The following RNF144B variants were observed in gnomAD, a reference collection of about 807,000 sequenced individuals.
RNF144B encodes the protein E3 ubiquitin-protein ligase RNF144B.
RNF144B carries 25 observed loss-of-function variants against 40.2 expected under a neutral mutation model. The ratio of observed to expected loss-of-function variants is 0.62; its 90% CI spans 0.45 to 0.87. The LOEUF is 0.87. Ranked by LOEUF, RNF144B falls within the 40% of genes least tolerant of loss-of-function variation. The pLI is 0.00. For missense variants in RNF144B, 365 were observed against 373.7 expected (o/e 0.98, Z 0.19); for synonymous variants, 145 against 136.3 (o/e 1.06, Z -0.44).
At chr6:18,413,474 G>A (rs540988639) in intron 2 of RNF144B, among the ~76,000 whole-genome samples, 1 of 152,208 alleles carries the variant, frequency 6.6e-6, no homozygotes, top group African/African-American at 2.4e-5. Flanking sequence ...GCATGAACAT[G>A]AGTGTTCTGT....
chr6:18,439,769 A>T (rs765563419), intron 4 of RNF144B, 25 bp downstream of exon 4: 6 of 1,504,886 alleles, frequency 4.0e-6, no homozygotes, highest in Non-Finnish European at 3.7e-6. Context: ...TTTTTTCCTG[A>T]TGATGAATGT....
At chr6:18,445,031 T>C (rs1759049195) in intron 4 of RNF144B, among the ~76,000 whole-genome samples, 2 of 152,158 alleles carry the variant, frequency 1.3e-5, no homozygotes, top group South Asian at 4.1e-4. Context: ...AGTGTTTTTT[T>C]CCCTCTTTGT....
At chr6:18,435,642 C>T (rs1206791739) in intron 3 of RNF144B, among the ~76,000 whole-genome samples, 1 of 152,062 alleles carries the variant, frequency 6.6e-6, no homozygotes, top group Admixed American at 6.6e-5. Flanking sequence ...GATAGAGAAG[C>T]TGGCAGATAC....
chr6:18,439,329 A>G (rs1758895289), intron 3 of RNF144B, among the ~76,000 whole-genome samples: 1 of 152,212 alleles, frequency 6.6e-6, no homozygotes, highest in Non-Finnish European at 1.5e-5. Context: ...AAATTCTTAA[A>G]TGAAGATATA....
intron 4 of RNF144B, among the ~76,000 whole-genome samples, chr6:18,451,084 C>T (rs951242313): frequency 6.6e-6 from 1 of 152,204 alleles, no homozygotes; most frequent in Non-Finnish European, 1.5e-5. Flanking sequence ...CCAAGAGATC[C>T]TCATCAATAT....
chr6:18,396,891 GA>G, intron 1 of RNF144B: 2 of 894,222 alleles, frequency 2.2e-6, no homozygotes, highest in Non-Finnish European at 2.7e-6. Flanking sequence ...TCAAAATCCT[GA>G]ATTTGACGTG....
intron 3 of RNF144B, among the ~76,000 whole-genome samples, chr6:18,433,088 A>T (rs1024601938): frequency 2.6e-5 from 4 of 152,146 alleles, no homozygotes; most frequent in Non-Finnish European, 5.9e-5. Context: ...GGCTACAGTG[A>T]TAGGGAATCC....
intron 3 of RNF144B, among the ~76,000 whole-genome samples, chr6:18,428,660 AT>A (rs1360726189): frequency 2.0e-5 from 3 of 152,148 alleles, no homozygotes; most frequent in Non-Finnish European, 4.4e-5. Flanking sequence ...TCAGTTGTTC[AT>A]TTAGCAAACA....
At chr6:18,392,857 G>A (rs1186651323) in intron 1 of RNF144B, among the ~76,000 whole-genome samples, 3 of 152,048 alleles carry the variant, frequency 2.0e-5, no homozygotes, top group Admixed American at 1.3e-4. Flanking sequence ...TATCATGTAT[G>A]TACTCATTGA....
In RNF144B at chr6:18,422,781, C is replaced by G. The variant is rs893807731; in HGVS notation, c.166-4800C>G. Among the ~76,000 whole-genome samples the G allele has an allele frequency of 3.9e-5, 6 of 152,076 alleles. No homozygotes were observed. The highest frequency in any genetic ancestry group is 8.8e-5 in the Non-Finnish European group (6 of 68,010). ...GTTTGAGACCAGCCTGCTTGGGCAA[C>G]ATAGACCCAATTTCAATCAATCAAT... On this transcript the variant is annotated intron_variant, in intron 2 of 7. Coordinates refer to ENST00000259939, the MANE Select transcript of RNF144B (RefSeq NM_182757.4). This position sits in a 1 kb window ranked among gnomAD's most constrained non-coding sequence, Gnocchi z 4.7.
In RNF144B at chr6:18,412,920, G is replaced by T. The variant is rs911660376; in HGVS notation, c.165+13221G>T. The stretch of plus-strand genomic sequence containing the variant: ...TGAGGTATTTACTACATGAATGTAG[G>T]GTATTTTTTCAATCTGCTTAAACCT... On this transcript the variant is annotated intron_variant, in intron 2 of 7. Coordinates refer to ENST00000259939, the MANE Select transcript of RNF144B (RefSeq NM_182757.4). This position sits in a 1 kb window ranked among gnomAD's most constrained non-coding sequence, Gnocchi z 4.2. Among the ~76,000 whole-genome samples the T allele has an allele frequency of 6.6e-6, 1 of 151,796 alleles. No individual in the cohort carries two copies. The highest frequency in any genetic ancestry group is 1.5e-5 in the Non-Finnish European group (1 of 67,950).
rs372431271 is a variant in RNF144B at position 18,396,386 on chromosome 6, A to C, written c.-36-3113A>C. 4.1e-6 allele frequency: 4 copies of C among 965,802 alleles called. No individual in the cohort carries two copies. The African/African-American group carries it at 5.3e-5, about 13-fold the overall frequency. 59.8% of individuals were successfully genotyped at this position (965,802 alleles called of 1,614,324 possible). A position where few individuals can be genotyped will look rare whatever the true frequency, so the allele number is the denominator to read the frequency against. ...GTCTTTGTTTTTCAAGAGTACATTAAAACTTTGGCCTGTTTAATATTTCCT... is the reference window on the plus strand; with the variant it reads ...GTCTTTGTTTTTCAAGAGTACATTACAACTTTGGCCTGTTTAATATTTCCT... On this transcript the variant is annotated intron_variant, in intron 1 of 7. Transcript: ENST00000259939.
chr6:18,398,537 TTTTGTATTTTTGTATTTTTTGTAA>T lies in RNF144B; in HGVS notation c.-36-958_-36-935del. Among the ~76,000 whole-genome samples, 3 of 152,066 alleles carry T rather than the reference TTTTGTATTTTTGTATTTTTTGTAA, an allele frequency of 2.0e-5. No individual in the cohort carries two copies. On this transcript the variant is annotated intron_variant, in intron 1 of 7. Coordinates refer to ENST00000259939, the MANE Select transcript of RNF144B (RefSeq NM_182757.4). This position sits in a 1 kb window ranked among gnomAD's most constrained non-coding sequence, Gnocchi z 5.0. ...CAGATGTGCCACTGTGCCTGGCTAATTTTGTATTTTTGTATTTTTTGTAATTTTGTATTTTTAGTAGAGACGAGG... is the reference window on the plus strand; with the variant it reads ...CAGATGTGCCACTGTGCCTGGCTAATTTTTGTATTTTTAGTAGAGACGAGG...
chr6:18,387,683 GT>G lies in RNF144B; in HGVS notation c.-37+55del. The G allele has an allele frequency of 4.0e-6, 5 of 1,258,872 alleles. No homozygotes were observed. In the South Asian group the frequency reaches 6.3e-5, roughly 16 times the overall value. The allele number at this position is 1,258,872 out of a possible 1,614,324, so 78.0% of individuals were successfully genotyped here. On this transcript the variant is annotated intron_variant, in intron 1 of 7. Coordinates refer to ENST00000259939, the MANE Select transcript of RNF144B (RefSeq NM_182757.4). ...ACAGGCGTTGCAAGACCGGAATGGT[GT>G]TGCTGGACTAAGGAAAAAGGACAGG...
At position 18,448,330 on chromosome 6, in the gene RNF144B, AAAG is replaced by A. The variant is rs1018878016; in HGVS notation, c.331+8590_331+8592del. Among the ~76,000 whole-genome samples the A allele has an allele frequency of 2.6e-5, 4 of 151,986 alleles. No individual in the cohort carries two copies. Among genetic ancestry groups the A allele is most frequent in the Non-Finnish European group, 2.9e-5 (2 of 68,000 alleles). ...GTAGGTTTAGGTCATCTCTATCAGG[AAAG>A]AAGGTGGAGAGGTTACGGACATGGA... On this transcript the variant is annotated intron_variant, in intron 4 of 7. Transcript: ENST00000259939. This position sits in a 1 kb window ranked among gnomAD's most constrained non-coding sequence, Gnocchi z 4.0.
rs146739209 is a variant in RNF144B, at chr6:18,414,240, A to T, written c.166-13341A>T. On this transcript the variant is annotated intron_variant, in intron 2 of 7. Transcript: ENST00000259939. This position sits in a 1 kb window ranked among gnomAD's most constrained non-coding sequence, Gnocchi z 4.9. Reference sequence around the variant, plus strand: ...TGTCCAACCTTTTCTACTTTTTCAGAGTTCAGTTCTCTTAAATCTAAGAGA... The same window carrying T: ...TGTCCAACCTTTTCTACTTTTTCAGTGTTCAGTTCTCTTAAATCTAAGAGA... Among the ~76,000 whole-genome samples, 1 of 152,318 alleles carries T rather than the reference A, an allele frequency of 6.6e-6. No homozygotes were observed. Among genetic ancestry groups the T allele is most frequent in the East Asian group, 1.9e-4 (1 of 5,190 alleles).
At chr6:18,397,313 C>T (rs745458494) in intron 1 of RNF144B, among the ~76,000 whole-genome samples, 125 of 152,224 alleles carry the variant, frequency 8.2e-4, no homozygotes, top group Admixed American at 2.2e-3. Flanking sequence ...CAAATGATTA[C>T]ATGTAATTTC....
rs192978603 is a variant in RNF144B, at chr6:18,393,249, T to G, written c.-37+5619T>G. Among the ~76,000 whole-genome samples, 114 of 152,372 alleles carry G rather than the reference T, an allele frequency of 7.5e-4. 1 individual carries two copies. Among genetic ancestry groups the G allele is most frequent in the African/African-American group, 2.7e-3 (112 of 41,592 alleles). On this transcript the variant is annotated intron_variant, in intron 1 of 7. Coordinates refer to ENST00000259939, the MANE Select transcript of RNF144B (RefSeq NM_182757.4). ...CTTAGGTTAGGGCATGCATTAGAACTGTTTTTCTGATTGAAAGAATGTACG... is the reference window on the plus strand; with the variant it reads ...CTTAGGTTAGGGCATGCATTAGAACGGTTTTTCTGATTGAAAGAATGTACG...
At chr6:18,451,316 A>G (rs965412655) in intron 4 of RNF144B, among the ~76,000 whole-genome samples, 7 of 152,242 alleles carry the variant, frequency 4.6e-5, no homozygotes, top group African/African-American at 1.7e-4. Context: ...AACAATGAAT[A>G]ATAGACATGT....
Sources: gnomAD v4.1 joint callset for allele counts (sites outside exome capture counted in the v4.1 genomes callset) on GRCh38, gnomAD v4.1.1 for gene constraint, Gnocchi (gnomAD v3.1) non-coding constraint, MANE v1.5 for transcripts, NCBI Gene and HGNC (gene_info 2026-07-23, HGNC 2026-07-21) for gene names.